Variants in ATP8B2 observed in about 807,000 individuals in gnomAD.
The protein encoded by ATP8B2 is phospholipid-transporting ATPase ID.
Under a neutral mutation model 133.4 loss-of-function variants are expected in ATP8B2, and 70 were observed. The observed-to-expected ratio is 0.52, with a 90% confidence interval of 0.43 to 0.64. ATP8B2 has a LOEUF of 0.64. Ranked by LOEUF, ATP8B2 falls within the 30% of genes least tolerant of loss-of-function variation. The probability of loss-of-function intolerance (pLI) is 0.00; values close to 1 mark genes in which losing one functional copy is unlikely to be tolerated. For missense variants in ATP8B2, 1,101 were observed against 1,535.7 expected, an observed-to-expected ratio of 0.72 and a Z score of 4.73; for synonymous variants, 517 against 589.5, an observed-to-expected ratio of 0.88 and a Z score of 1.78.
At chr1:154,341,207 A>G in intron 13 of ATP8B2, 145 bp downstream of exon 13, 2 of 843,944 alleles carry the variant, frequency 2.4e-6, no homozygotes, top group Non-Finnish European at 3.9e-6. Context: ...CATCCTGGCC[A>G]GGCACGGTGG....
chr1:154,325,653 C>G lies in ATP8B2; in HGVS notation c.-87C>G, dbSNP rs1175068848. ...GAGCGCCCCCCGCCCCAGCCCCCGG[C>G]ATGGGCAGTACGGGGCCGCCGGGGC... On this transcript the variant is annotated 5_prime_UTR_variant, in exon 1 of 28. Coordinates refer to ENST00000368489, the MANE Select transcript of ATP8B2 (RefSeq NM_001370597.1). 1 of 152,026 alleles carries G rather than the reference C, an allele frequency of 6.6e-6. No homozygotes were observed. Among genetic ancestry groups the G allele is most frequent in the African/African-American group, 2.4e-5 (1 of 41,374 alleles). 9.4% of individuals were successfully genotyped at this position (152,026 alleles called of 1,614,324 possible). A position where few individuals can be genotyped will look rare whatever the true frequency, so the allele number is the denominator to read the frequency against.
At position 154,344,595 on chromosome 1, in the gene ATP8B2, A is replaced by C. The variant is rs1438816537; in HGVS notation, c.2142-46A>C. On this transcript the variant is annotated intron_variant, in intron 20 of 27. Coordinates refer to ENST00000368489, the MANE Select transcript of ATP8B2 (RefSeq NM_001370597.1). This position sits in a 1 kb window ranked among gnomAD's most constrained non-coding sequence, Gnocchi z 4.1. Reference sequence around the variant, plus strand: ...ATTTAGACTTGAATCCCTGCTCCCCACTGCCGTTCTGGAAGACCACAACCG... The same window carrying C: ...ATTTAGACTTGAATCCCTGCTCCCCCCTGCCGTTCTGGAAGACCACAACCG... The C allele has an allele frequency of 6.2e-7, 1 of 1,607,944 alleles. No homozygotes were observed. The highest frequency in any genetic ancestry group is 8.5e-7 in the Non-Finnish European group (1 of 1,174,906).
rs1686601544 is a variant in ATP8B2 at position 154,346,854 on chromosome 1, G to A, written c.3163+96G>A. 7.3e-7 allele frequency: 1 copy of A among 1,366,304 alleles called. No homozygotes were observed. The highest frequency in any genetic ancestry group is 1.5e-5 in the African/African-American group (1 of 68,404). 84.6% of individuals were successfully genotyped at this position (1,366,304 alleles called of 1,614,324 possible). ...AATCTGCACATTCAACATTTCTTATGTGCCAAGTATTCTGTTTATTTTATT... is the reference window on the plus strand; with the variant it reads ...AATCTGCACATTCAACATTTCTTATATGCCAAGTATTCTGTTTATTTTATT... On this transcript the variant is annotated intron_variant, in intron 26 of 27. Transcript: ENST00000368489. This position sits in a 1 kb window ranked among gnomAD's most constrained non-coding sequence, Gnocchi z 4.5.
In ATP8B2 at chr1:154,334,631, C is replaced by T; in HGVS notation, c.837+40C>T. On this transcript the variant is annotated intron_variant, in intron 11 of 27. Transcript: ENST00000368489. The surrounding 1 kb of genome is among the most constrained non-coding windows in gnomAD (Gnocchi z 4.6). ...ATCTGGCTCCCTGCCCCTGCCCTCT[C>T]TTCTCCTTGGGTGCTCCTTTTCCTT... is the stretch of plus-strand genomic sequence containing the variant. 1 of 1,555,090 alleles carries T rather than the reference C, an allele frequency of 6.4e-7. No homozygotes were observed. The highest frequency in any genetic ancestry group is 1.1e-5 in the South Asian group (1 of 89,532).
chr1:154,340,751 G>T lies in ATP8B2; in HGVS notation c.1035-103G>T. The T allele has an allele frequency of 1.8e-6, 2 of 1,117,938 alleles. No individual in the cohort carries two copies. Among genetic ancestry groups the T allele is most frequent in the Non-Finnish European group, 1.3e-6 (1 of 750,574 alleles). 69.3% of individuals were successfully genotyped at this position (1,117,938 alleles called of 1,614,324 possible). A position where few individuals can be genotyped will look rare whatever the true frequency, so the allele number is the denominator to read the frequency against. On this transcript the variant is annotated intron_variant, in intron 12 of 27. Coordinates refer to ENST00000368489, the MANE Select transcript of ATP8B2 (RefSeq NM_001370597.1). The surrounding 1 kb of genome is among the most constrained non-coding windows in gnomAD (Gnocchi z 4.0). The stretch of plus-strand genomic sequence containing the variant: ...GTTTCTGTGCCCAGGTGTCTTCTCC[G>T]TTCTTGTCTCTCCCCAGGCGGAGGG...
Position 154,328,958 on chromosome 1 carries a change from G to A in ATP8B2, c.31+786G>A, listed in dbSNP as rs1208045434. The A allele has an allele frequency of 1.3e-5, 17 of 1,303,936 alleles. No homozygotes were observed. The highest frequency in any genetic ancestry group is 2.3e-5 in the Admixed American group (1 of 43,558). 80.8% of individuals were successfully genotyped at this position (1,303,936 alleles called of 1,614,324 possible). ...CCACTAAGGCCAAGGACATATAGAC[G>A]GTCTGCCCTCCCCCACTCAAACCGG... On this transcript the variant is annotated intron_variant, in intron 2 of 27. Coordinates refer to ENST00000368489, the MANE Select transcript of ATP8B2 (RefSeq NM_001370597.1). The surrounding 1 kb of genome is among the most constrained non-coding windows in gnomAD (Gnocchi z 4.6).
Position 154,328,212 on chromosome 1 carries a change from G to C in ATP8B2, c.31+40G>C, listed in dbSNP as rs772001240. ...GAGGGGAGATCCCGGGAACCATCAA[G>C]AGTGGGTGTTGTTATGGCTCAGGGA... On this transcript the variant is annotated intron_variant, in intron 2 of 27. Transcript: ENST00000368489. The surrounding 1 kb of genome is among the most constrained non-coding windows in gnomAD (Gnocchi z 4.6). The C allele has an allele frequency of 6.3e-7, 1 of 1,582,876 alleles. No individual in the cohort carries two copies. Among genetic ancestry groups the C allele is most frequent in the South Asian group, 1.1e-5 (1 of 90,420 alleles).
chr1:154,333,503 C>CA (rs373221836), intron 9 of ATP8B2, among the ~76,000 whole-genome samples: 44,300 of 135,102 alleles, frequency 0.33, 6,877 homozygotes, highest in African/African-American at 0.4. Context: ...GACACTGTCT[C>CA]AAAAAAAAAA....
At chr1:154,336,057 A>AAG (rs776062674) in intron 11 of ATP8B2, among the ~76,000 whole-genome samples, 31 of 149,764 alleles carry the variant, frequency 2.1e-4, no homozygotes, top group East Asian at 3.9e-4. Flanking sequence ...AAAAAAAAAA[A>AAG]GGCCATCTAT....
chr1:154,336,534 G>A (rs1686188973), intron 11 of ATP8B2, among the ~76,000 whole-genome samples: 1 of 147,880 alleles, frequency 6.8e-6, no homozygotes, highest in African/African-American at 2.5e-5. Context: ...CTAGGCTGGA[G>A]TGTAGTGCAA....
chr1:154,334,639 T>C lies in ATP8B2; in HGVS notation c.837+48T>C. ...CCCTGCCCCTGCCCTCTCTTCTCCT[T>C]GGGTGCTCCTTTTCCTTTCCTCTTT... is the stretch of plus-strand genomic sequence containing the variant. On this transcript the variant is annotated intron_variant, in intron 11 of 27. Coordinates refer to ENST00000368489, the MANE Select transcript of ATP8B2 (RefSeq NM_001370597.1). This position sits in a 1 kb window ranked among gnomAD's most constrained non-coding sequence, Gnocchi z 4.6. 1 of 1,516,970 alleles carries C rather than the reference T, an allele frequency of 6.6e-7. No homozygotes were observed. Among genetic ancestry groups the C allele is most frequent in the Non-Finnish European group, 9.1e-7 (1 of 1,095,362 alleles). 94.0% of individuals were successfully genotyped at this position (1,516,970 alleles called of 1,614,324 possible).
intron 1 of ATP8B2, chr1:154,327,653 A>G: frequency 2.6e-6 from 2 of 767,684 alleles, no homozygotes; most frequent in East Asian, 4.9e-5. Context: ...AGAAGGGTGG[A>G]GCCTGCCCAC....
rs1235676811 is a variant in ATP8B2, at chr1:154,340,200, C to T, written c.1035-654C>T. ...CAAAAAACAAACAAGCAAACAACAA[C>T]CACCACAATGCGCTGTGCCATTGTG... On this transcript the variant is annotated intron_variant, in intron 12 of 27. Coordinates refer to ENST00000368489, the MANE Select transcript of ATP8B2 (RefSeq NM_001370597.1). This position sits in a 1 kb window ranked among gnomAD's most constrained non-coding sequence, Gnocchi z 4.0. Among the ~76,000 whole-genome samples the T allele has an allele frequency of 2.0e-5, 3 of 152,140 alleles. No individual in the cohort carries two copies. Among genetic ancestry groups the T allele is most frequent in the Non-Finnish European group, 4.4e-5 (3 of 68,008 alleles).
At position 154,343,627 on chromosome 1, in the gene ATP8B2, C is replaced by T. The variant is rs1238021452; in HGVS notation, c.1758+59C>T. 10 of 1,492,250 alleles carry T rather than the reference C, an allele frequency of 6.7e-6. No individual in the cohort carries two copies. Among genetic ancestry groups the T allele is most frequent in the African/African-American group, 2.8e-5 (2 of 72,172 alleles). 92.4% of individuals were successfully genotyped at this position (1,492,250 alleles called of 1,614,324 possible). ...GGTTCTACTCTTAGTGTGGGGGAGG[C>T]GACTTAAGTTTGTTTTATTGTGTAA... On this transcript the variant is annotated intron_variant, in intron 17 of 27. Transcript: ENST00000368489. This position sits in a 1 kb window ranked among gnomAD's most constrained non-coding sequence, Gnocchi z 5.8.
At chr1:154,348,054 A>G (rs1300634096) in intron 26 of ATP8B2, among the ~76,000 whole-genome samples, 1 of 152,156 alleles carries the variant, frequency 6.6e-6, no homozygotes. Flanking sequence ...TTTTACAGAA[A>G]TGAATCAAGA....
rs758164152 is a variant in ATP8B2, at chr1:154,330,910, G to A, written c.186G>A (p.Leu62=). The A allele has an allele frequency of 1.2e-6, 2 of 1,613,902 alleles. No individual in the cohort carries two copies. The highest frequency in any genetic ancestry group is 2.2e-5 in the East Asian group (1 of 44,888). The change falls in exon 4 of 28, where the codon CTG becomes CTA. Residue 62 remains leucine (L), a synonymous_variant. Coordinates refer to ENST00000368489, the MANE Select transcript of ATP8B2 (RefSeq NM_001370597.1). ...QFQEVANTYF[L]FLLILQLIPQ... ...AGGAAGTTGCCAACACTTACTTCCT[G>A]TTCCTCCTCATTCTGCAGGTAGGTG...
Position 154,345,379 on chromosome 1 carries a change from C to G in ATP8B2, c.2528C>G (p.Ser843Cys). 1 of 1,614,214 alleles carries G rather than the reference C, an allele frequency of 6.2e-7. No individual in the cohort carries two copies. The highest frequency in any genetic ancestry group is 2.2e-5 in the East Asian group (1 of 44,890). The change falls in exon 23 of 28, where the codon TCC becomes TGC. Residue 843 changes from serine (S) to cysteine (C), a missense_variant. Ser to Cys is a moderately radical substitution (Grantham distance 112). Transcript: ENST00000368489. This position sits in a 1 kb window ranked among gnomAD's most constrained non-coding sequence, Gnocchi z 5.6. ...GAAGGGATCCAGGCTGTCTTGGCCT[C>G]CGATTACTCCTTCTCCCAGTTCAAG... The part of the protein sequence containing the change: ...GQEGIQAVLA[S>C]DYSFSQFKFL...
rs748303937 is a variant in ATP8B2, at chr1:154,348,935, C to G, written c.3390C>G (p.Ala1130=). The change falls in exon 28 of 28, where the codon GCC becomes GCG. Residue 1130 remains alanine (A), a synonymous_variant. Coordinates refer to ENST00000368489, the MANE Select transcript of ATP8B2 (RefSeq NM_001370597.1). ...GRTGSRRSGY[A]FSHQEGFGEL... ...CTGGCTCCCGGCGCTCCGGCTATGC[C>G]TTCTCCCATCAGGAGGGCTTCGGGG... 8 of 1,614,252 alleles carry G rather than the reference C, an allele frequency of 5.0e-6. No individual in the cohort carries two copies. The highest frequency in any genetic ancestry group is 6.8e-6 in the Non-Finnish European group (8 of 1,180,046).
rs1265651529 is a variant in ATP8B2 at position 154,328,611 on chromosome 1, CG to C, written c.31+444del. On this transcript the variant is annotated intron_variant, in intron 2 of 27. Coordinates refer to ENST00000368489, the MANE Select transcript of ATP8B2 (RefSeq NM_001370597.1). This position sits in a 1 kb window ranked among gnomAD's most constrained non-coding sequence, Gnocchi z 4.6. Reference sequence around the variant, plus strand: ...TCCGCTCACCCGCATTGGCCCGGCCCGGGGGTGGGAGGGGAGGCGGGGCTCG... The same window carrying C: ...TCCGCTCACCCGCATTGGCCCGGCCCGGGGTGGGAGGGGAGGCGGGGCTCG... 7.2e-5 allele frequency among the ~76,000 whole-genome samples: 11 copies of C among 151,942 alleles called. No individual in the cohort carries two copies. The highest frequency in any genetic ancestry group is 1.3e-4 in the Non-Finnish European group (9 of 67,956).
Sources: gnomAD v4.1 joint callset for allele counts (sites outside exome capture counted in the v4.1 genomes callset) on GRCh38, gnomAD v4.1.1 for gene constraint, Gnocchi (gnomAD v3.1) non-coding constraint, MANE v1.5 for transcripts, NCBI Gene and HGNC (gene_info 2026-07-23, HGNC 2026-07-21) for gene names.